Variants in NEK11 observed in about 807,000 individuals in gnomAD.
NEK11 encodes the protein NIMA related kinase 11.
A neutral mutation model predicts 80.7 loss-of-function variants in NEK11; 72 were observed. The ratio of observed to expected loss-of-function variants is 0.89; its 90% CI spans 0.74 to 1.08. NEK11 has a LOEUF of 1.08. NEK11 is among the 50% of genes least tolerant of loss of function. The pLI is 0.00. For synonymous variants in NEK11, 251 were observed against 260.7 expected (o/e 0.96, Z 0.36); for missense variants, 764 against 763.6 (o/e 1.00, Z -0.01).
At position 131,079,508 on chromosome 3, in the gene NEK11, CTG is replaced by C. The variant is rs150336925; in HGVS notation, c.171-911_171-910del. The stretch of plus-strand genomic sequence containing the variant: ...CCAATGCTTGCTTATAATCATCAGA[CTG>C]TGTCTGCAAACATAATTGGTGTTCT... On this transcript the variant is annotated intron_variant, in intron 3 of 17. Coordinates refer to ENST00000383366, the MANE Select transcript of NEK11 (RefSeq NM_024800.5). Among the ~76,000 whole-genome samples, 1,439 of 152,358 alleles carry C rather than the reference CTG, an allele frequency of 9.4e-3. 18 individuals are homozygous for C. Among genetic ancestry groups the C allele is most frequent in the African/African-American group, 0.031 (1,284 of 41,574 alleles).
intron 5 of NEK11, among the ~76,000 whole-genome samples, chr3:131,127,836 C>T (rs1371315431): frequency 6.6e-6 from 1 of 150,958 alleles, no homozygotes; most frequent in Non-Finnish European, 1.5e-5. Flanking sequence ...AGGCTGTAGG[C>T]TTTTGGAGGG....
chr3:131,120,753 C>T (rs565866698), intron 5 of NEK11, among the ~76,000 whole-genome samples: 6 of 152,274 alleles, frequency 3.9e-5, no homozygotes, highest in African/African-American at 7.2e-5. Context: ...GGTACCCTTT[C>T]GTCCACTTGA....
chr3:131,036,918 C>G (rs1335295383), intron 3 of NEK11, among the ~76,000 whole-genome samples: 1 of 152,172 alleles, frequency 6.6e-6, no homozygotes, highest in African/African-American at 2.4e-5. Flanking sequence ...TATATACAAT[C>G]TCACATGCTT....
At chr3:131,040,033 G>A (rs1231705493) in intron 3 of NEK11, among the ~76,000 whole-genome samples, 1 of 24,792 alleles carries the variant, frequency 4.0e-5, no homozygotes, top group Non-Finnish European at 1.5e-4. Flanking sequence ...AGTTCTAAAA[G>A]TAGTTTACTT....
chr3:131,155,081 T>G lies in NEK11; in HGVS notation c.922T>G (p.Leu308Val), dbSNP rs1230003258. ...YSEMTLEDKN[L>V]DCQKEAAHII... The stretch of plus-strand genomic sequence containing the variant: ...AGAAATGACTCTGGAAGACAAAAAT[T>G]TGGATTGTCAGAAGGAGGCTGCTCA... Residue 308 changes from leucine (L) to valine (V), a missense_variant, in exon 10 of 18, where the codon TTG becomes GTG. Transcript: ENST00000383366. 1.2e-6 allele frequency: 2 copies of G among 1,612,950 alleles called. No homozygotes were observed. Among genetic ancestry groups the G allele is most frequent in the East Asian group, 4.5e-5 (2 of 44,862 alleles).
At chr3:131,278,611 C>T (rs1459550368) in intron 17 of NEK11, among the ~76,000 whole-genome samples, 1 of 152,002 alleles carries the variant, frequency 6.6e-6, no homozygotes. Flanking sequence ...GGCCTGGCTC[C>T]ATGCTCCCAC....
chr3:131,341,221 C>T (rs2097280129), intron 17 of NEK11, among the ~76,000 whole-genome samples: 1 of 152,094 alleles, frequency 6.6e-6, no homozygotes, highest in African/African-American at 2.4e-5. Context: ...AAGACTAGAA[C>T]ACCTATAGCT....
chr3:131,140,339 T>A (rs2086615856), intron 7 of NEK11, among the ~76,000 whole-genome samples: 3 of 152,094 alleles, frequency 2.0e-5, no homozygotes, highest in Admixed American at 1.3e-4. Context: ...AGGCCTTTGG[T>A]CTTTACTCCC....
In NEK11 at chr3:131,029,603, C is replaced by A; in HGVS notation, c.-96-10C>A. ...CTTTAGACCTGATCTTTTAACTTTT[C>A]ATCTTTAAGGAACTGACCAACACTG... On this transcript the variant is annotated splice_polypyrimidine_tract_variant and intron_variant, in intron 2 of 17. Transcript: ENST00000383366. 8.8e-7 allele frequency: 1 copy of A among 1,137,280 alleles called. No homozygotes were observed. The highest frequency in any genetic ancestry group is 1.3e-6 in the Non-Finnish European group (1 of 792,420). 70.4% of individuals were successfully genotyped at this position (1,137,280 alleles called of 1,614,324 possible). A position where few individuals can be genotyped will look rare whatever the true frequency, so the allele number is the denominator to read the frequency against.
chr3:131,052,858 G>A (rs1459115921), intron 3 of NEK11, among the ~76,000 whole-genome samples: 1 of 152,072 alleles, frequency 6.6e-6, no homozygotes, highest in Non-Finnish European at 1.5e-5. Flanking sequence ...GATTATACAA[G>A]CTTGGAAAAC....
rs1238975027 is a variant in NEK11 at position 131,232,083 on chromosome 3, CTG to C, written c.1560+3397_1560+3398del. ...GCACCTAATTGCTGATGATTGCCAA[CTG>C]TTTCTCTGCTGTGATAAGCACAGCA... is the stretch of plus-strand genomic sequence containing the variant. On this transcript the variant is annotated intron_variant, in intron 15 of 17. Transcript: ENST00000383366. Among the ~76,000 whole-genome samples the C allele has an allele frequency of 2.0e-5, 3 of 152,300 alleles. No homozygotes were observed. In the East Asian group the frequency reaches 5.8e-4, roughly 29 times the overall value.
intron 15 of NEK11, among the ~76,000 whole-genome samples, chr3:131,236,850 A>G (rs1374271494): frequency 3.3e-5 from 5 of 152,226 alleles, no homozygotes; most frequent in Non-Finnish European, 5.9e-5. Context: ...CTTCCTATGA[A>G]TTATGAATGC....
chr3:131,053,504 G>A (rs2068796574), intron 3 of NEK11: 1 of 152,206 alleles, frequency 6.6e-6, no homozygotes, highest in Non-Finnish European at 1.5e-5. Flanking sequence ...TTAGATTGAT[G>A]TTTCCTAGCT....
intron 14 of NEK11, among the ~76,000 whole-genome samples, chr3:131,175,592 T>C (rs998497784): frequency 3.7e-4 from 56 of 152,012 alleles, no homozygotes; most frequent in Admixed American, 2.4e-3. Flanking sequence ...TGCCTGGGGG[T>C]GGTAGTGGTG....
At position 131,349,607 on chromosome 3, in the gene NEK11, ACCT is replaced by A. The variant is rs766538317; in HGVS notation, c.1771_1773del (p.Leu591del). 17 of 1,614,088 alleles carry A rather than the reference ACCT, an allele frequency of 1.1e-5. No individual in the cohort carries two copies. The highest frequency in any genetic ancestry group is 1.4e-5 in the Non-Finnish European group (17 of 1,180,046). On this transcript the variant is annotated inframe_deletion, in exon 18 of 18. Coordinates refer to ENST00000383366, the MANE Select transcript of NEK11 (RefSeq NM_024800.5). The stretch of plus-strand genomic sequence containing the variant: ...GAAGTATTTGAAGAGGTCTATAATT[ACCT>A]CAAGAGAGCAAGGCATCAGAATGCT...
intron 3 of NEK11, among the ~76,000 whole-genome samples, chr3:131,040,415 A>C (rs1334699236): frequency 1.3e-5 from 2 of 152,306 alleles, no homozygotes; most frequent in East Asian, 3.9e-4. Context: ...GTCATGTTTC[A>C]TGGGTATATA....
intron 17 of NEK11, among the ~76,000 whole-genome samples, chr3:131,344,753 T>C (rs1047195764): frequency 6.6e-6 from 1 of 152,060 alleles, no homozygotes; most frequent in African/African-American, 2.4e-5. Context: ...GCATGTAACA[T>C]AGCAAAAGCA....
At position 131,168,897 on chromosome 3, in the gene NEK11, C is replaced by T; in HGVS notation, c.1244C>T (p.Pro415Leu). The T allele has an allele frequency of 1.2e-6, 2 of 1,613,758 alleles. No homozygotes were observed. Among genetic ancestry groups the T allele is most frequent in the Non-Finnish European group, 8.5e-7 (1 of 1,179,892 alleles). The part of the protein sequence containing the change: ...EQPEGRLSCS[P>L]QDEDEERWQG... ...CCTGAGGGAAGACTTTCTTGTTCAC[C>T]CCAGGACGAGGATGAAGAGAGGTGG... The change falls in exon 13 of 18, where the codon CCC becomes CTC. Residue 415 changes from proline (P) to leucine (L), a missense_variant. Physicochemically the swap from Pro to Leu is moderately conservative, Grantham distance 98. Transcript: ENST00000383366.
chr3:131,118,221 A>C (rs1465770641), intron 5 of NEK11, among the ~76,000 whole-genome samples: 1 of 152,148 alleles, frequency 6.6e-6, no homozygotes, highest in African/African-American at 2.4e-5. Context: ...TTCTGCATCT[A>C]TTGAGATAAT....
Sources: gnomAD v4.1 joint callset for allele counts (sites outside exome capture counted in the v4.1 genomes callset) on GRCh38, gnomAD v4.1.1 for gene constraint, MANE v1.5 for transcripts, NCBI Gene and HGNC (gene_info 2026-07-23, HGNC 2026-07-21) for gene names.